Variants in KSR2 observed in about 807,000 individuals in gnomAD.
KSR2 encodes kinase suppressor of ras 2.
In KSR2, 25 loss-of-function variants were observed where a neutral mutation model predicts 107.8. The ratio of observed to expected loss-of-function variants is 0.23; its 90% CI spans 0.17 to 0.32. The LOEUF is 0.32. KSR2 is among the 10% of genes least tolerant of loss of function. KSR2 has a pLI of 1.00. For synonymous variants in KSR2, 480 were observed against 507.0 expected (o/e 0.95, Z 0.71); for missense variants, 887 against 1,268.9 (o/e 0.70, Z 4.57).
intron 1 of KSR2, among the ~76,000 whole-genome samples, chr12:117,939,472 G>A (rs531846936): frequency 2.6e-5 from 4 of 152,134 alleles, no homozygotes; most frequent in Non-Finnish European, 5.9e-5. Context: ...CAGCACTTTG[G>A]GAGGCCGAGG....
chr12:117,757,463 T>A (rs983256236), intron 4 of KSR2, among the ~76,000 whole-genome samples: 1 of 152,222 alleles, frequency 6.6e-6, no homozygotes, highest in African/African-American at 2.4e-5. Context: ...GACAAAGCAG[T>A]GGCAGGGTTT....
intron 1 of KSR2, among the ~76,000 whole-genome samples, chr12:117,891,621 A>G (rs1246516485): frequency 1.3e-5 from 2 of 152,140 alleles, no homozygotes; most frequent in African/African-American, 4.8e-5. Context: ...ATTATAACAA[A>G]TATGACTTTT....
At chr12:117,552,104 C>T (rs1357635053) in intron 9 of KSR2, among the ~76,000 whole-genome samples, 1 of 152,212 alleles carries the variant, frequency 6.6e-6, no homozygotes, top group Non-Finnish European at 1.5e-5. Context: ...GGGATCCCCT[C>T]TCCTAGAGAC....
intron 1 of KSR2, among the ~76,000 whole-genome samples, chr12:117,896,644 G>A (rs1026307263): frequency 6.6e-6 from 1 of 151,968 alleles, no homozygotes; most frequent in African/African-American, 2.4e-5. Flanking sequence ...ATTTTTAGTA[G>A]AGATGAGGTT....
chr12:117,868,602 G>A (rs1396578183), intron 1 of KSR2, among the ~76,000 whole-genome samples: 1 of 152,080 alleles, frequency 6.6e-6, no homozygotes, highest in Non-Finnish European at 1.5e-5. Context: ...ACTAGGCACA[G>A]AGAAGTTAAG....
At chr12:117,539,288 C>G (rs1876288379) in intron 10 of KSR2, among the ~76,000 whole-genome samples, 1 of 152,162 alleles carries the variant, frequency 6.6e-6, no homozygotes, top group African/African-American at 2.4e-5. Context: ...AGACATGTGC[C>G]CCTAAGATCT....
At chr12:117,822,853 A>C (rs1277124984) in intron 3 of KSR2, among the ~76,000 whole-genome samples, 3 of 152,270 alleles carry the variant, frequency 2.0e-5, no homozygotes, top group Admixed American at 6.5e-5. Context: ...AAGTAGAAAA[A>C]TCCTAAGTTG....
At chr12:117,931,555 G>A (rs1205562862) in intron 1 of KSR2, among the ~76,000 whole-genome samples, 1 of 152,170 alleles carries the variant, frequency 6.6e-6, no homozygotes, top group Admixed American at 6.6e-5. Flanking sequence ...CCAAACCACT[G>A]CTAGACGTTC....
At chr12:117,947,205 A>G (rs1473877992) in intron 1 of KSR2, among the ~76,000 whole-genome samples, 11 of 69,266 alleles carry the variant, frequency 1.6e-4, no homozygotes, top group African/African-American at 4.8e-4. Flanking sequence ...GAAAAGAAAG[A>G]AAAGAAAGAA....
chr12:117,929,845 G>A (rs559216002), intron 1 of KSR2, among the ~76,000 whole-genome samples: 10 of 152,196 alleles, frequency 6.6e-5, no homozygotes, highest in South Asian at 2.1e-4. Context: ...AGATGTTACC[G>A]GGAGCAGGAG....
At chr12:117,642,428 C>T (rs912206763) in intron 5 of KSR2, among the ~76,000 whole-genome samples, 1 of 152,154 alleles carries the variant, frequency 6.6e-6, no homozygotes, top group African/African-American at 2.4e-5. Flanking sequence ...TCAAGGCTTC[C>T]TTCAAGGATC....
At chr12:117,708,497 G>A (rs775470816) in intron 4 of KSR2, among the ~76,000 whole-genome samples, 2 of 152,132 alleles carry the variant, frequency 1.3e-5, no homozygotes, top group African/African-American at 2.4e-5. Flanking sequence ...CTTACTAATC[G>A]CATAGTAGCT....
intron 14 of KSR2, among the ~76,000 whole-genome samples, chr12:117,504,060 A>G (rs1011917745): frequency 6.6e-6 from 1 of 152,180 alleles, no homozygotes; most frequent in Admixed American, 6.5e-5. Context: ...GCTTGGTGAG[A>G]TTCAATTTCA....
At chr12:117,723,161 G>A (rs1488970720) in intron 4 of KSR2, among the ~76,000 whole-genome samples, 2 of 152,132 alleles carry the variant, frequency 1.3e-5, no homozygotes, top group Admixed American at 6.5e-5. Flanking sequence ...ACTCACAACC[G>A]AAGAATCAAA....
intron 7 of KSR2, among the ~76,000 whole-genome samples, chr12:117,560,327 A>G (rs1878022536): frequency 6.6e-6 from 1 of 152,066 alleles, no homozygotes; most frequent in Non-Finnish European, 1.5e-5. Flanking sequence ...ACATTTCCCC[A>G]GTTTTTCTCT....
At chr12:117,849,833 A>G (rs2570559) in intron 3 of KSR2, among the ~76,000 whole-genome samples, 48,153 of 152,134 alleles carry the variant, frequency 0.32, 8,037 homozygotes, top group Middle Eastern at 0.45. Flanking sequence ...TGAGTTCCTC[A>G]ATACAACTTG....
At chr12:117,467,982 T>C (rs1871244918) in intron 19 of KSR2, among the ~76,000 whole-genome samples, 1 of 151,522 alleles carries the variant, frequency 6.6e-6, no homozygotes. Context: ...CCTCCTGCCT[T>C]TCCCTCCAAC....
At chr12:117,472,905 T>G (rs1002787753) in intron 17 of KSR2, among the ~76,000 whole-genome samples, 1 of 152,180 alleles carries the variant, frequency 6.6e-6, no homozygotes, top group Middle Eastern at 3.2e-3. Context: ...GTCTGCCCCT[T>G]CCAGGAACAG....
At chr12:117,638,520 A>G (rs954498465) in intron 5 of KSR2, among the ~76,000 whole-genome samples, 2 of 106,424 alleles carry the variant, frequency 1.9e-5, no homozygotes, top group Non-Finnish European at 4.1e-5. Context: ...TTCAGGGAAA[A>G]AAAAAAAAGC....
Sources: allele counts gnomAD v4.1 joint callset (sites outside exome capture counted in the v4.1 genomes callset), GRCh38; gene constraint gnomAD v4.1.1; transcripts MANE v1.5; gene names NCBI Gene and HGNC (gene_info 2026-07-23, HGNC 2026-07-21).